The following FANCA variants were observed in gnomAD, a reference collection of about 807,000 sequenced individuals.
FANCA encodes the protein FA complementation group A.
In FANCA, 236 loss-of-function variants were observed where a neutral mutation model predicts 194.3. The observed-to-expected ratio is 1.21, with a 90% CI of 1.09 to 1.35. The LOEUF is 1.35. FANCA is among the 40% of genes most tolerant of loss of function. FANCA has a pLI of 0.00. For missense variants in FANCA, 2,628 were observed against 1,813.9 expected (o/e 1.45, Z -8.15); for synonymous variants, 1,014 against 715.8 (o/e 1.42, Z -6.65).
intron 37 of FANCA, among the ~76,000 whole-genome samples, chr16:89,741,889 G>A (rs1195127866): frequency 1.3e-5 from 2 of 152,158 alleles, no homozygotes; most frequent in Non-Finnish European, 2.9e-5. Context: ...CTGTGATGAG[G>A]ATAAAAATAA....
intron 11 of FANCA, among the ~76,000 whole-genome samples, chr16:89,793,452 T>G (rs2040144251): frequency 6.6e-6 from 1 of 152,320 alleles, no homozygotes; most frequent in Admixed American, 6.5e-5. Flanking sequence ...TAAACAGTAA[T>G]TACTACCAAC....
chr16:89,752,907 T>C (rs2038646483), intron 30 of FANCA, among the ~76,000 whole-genome samples: 1 of 152,062 alleles, frequency 6.6e-6, no homozygotes. Context: ...CCGGGGAGTT[T>C]AGAGAAGACT....
intron 3 of FANCA, among the ~76,000 whole-genome samples, chr16:89,813,490 T>C (rs565767231): frequency 3.3e-5 from 5 of 151,652 alleles, no homozygotes; most frequent in Non-Finnish European, 7.4e-5. Flanking sequence ...TGGAGTGCAA[T>C]GGAGGGGTCT....
At position 89,803,243 on chromosome 16, in the gene FANCA, T is replaced by G. The variant is rs760871345; in HGVS notation, c.792+16A>C. On this transcript the variant is annotated intron_variant, in intron 8 of 42. Transcript: ENST00000389301. ...GGCTCCTTCCGCTAAACTCTTCACTTGACTTTTCCTCCTACCTGCGGCATT... is the reference window on the plus strand; with the variant it reads ...GGCTCCTTCCGCTAAACTCTTCACTGGACTTTTCCTCCTACCTGCGGCATT... 6.2e-7 allele frequency: 1 copy of G among 1,613,142 alleles called. No homozygotes were observed. Among genetic ancestry groups the G allele is most frequent in the South Asian group, 1.1e-5 (1 of 91,056 alleles).
intron 35 of FANCA, among the ~76,000 whole-genome samples, chr16:89,746,169 A>G (rs571907384): frequency 1.3e-5 from 2 of 152,270 alleles, no homozygotes; most frequent in South Asian, 4.1e-4. Flanking sequence ...TCTGCTCCGA[A>G]GTCCCAAGAA....
intron 12 of FANCA, 81 bp from the exon 13 acceptor site, chr16:89,792,149 G>T: frequency 6.4e-7 from 1 of 1,553,184 alleles, no homozygotes. Flanking sequence ...CTCCCAGCCG[G>T]TGGCCACCGC....
In FANCA at chr16:89,816,646, T is replaced by A; in HGVS notation, c.-31A>T. 1 of 1,513,206 alleles carries A rather than the reference T, an allele frequency of 6.6e-7. No individual in the cohort carries two copies. The highest frequency in any genetic ancestry group is 2.0e-5 in the Admixed American group (1 of 49,434). 93.7% of individuals were successfully genotyped at this position (1,513,206 alleles called of 1,614,324 possible). On this transcript the variant is annotated 5_prime_UTR_variant, in exon 1 of 43. Coordinates refer to ENST00000389301, the MANE Select transcript of FANCA (RefSeq NM_000135.4). Reference sequence around the variant, plus strand: ...TGGCGCCTACAGCCCCGGCGGCGGCTCCCTGCGCCCGAGCCCGCGCTGCCT... The same window carrying A: ...TGGCGCCTACAGCCCCGGCGGCGGCACCCTGCGCCCGAGCCCGCGCTGCCT...
intron 14 of FANCA, among the ~76,000 whole-genome samples, chr16:89,790,506 G>A (rs756590370): frequency 4.9e-4 from 73 of 148,344 alleles, no homozygotes; most frequent in East Asian, 4.2e-4. Flanking sequence ...CAAGACGGGC[G>A]GATCATGAGG....
At chr16:89,767,715 A>AT (rs1297330495) in intron 26 of FANCA, among the ~76,000 whole-genome samples, 1 of 151,980 alleles carries the variant, frequency 6.6e-6, no homozygotes, top group Non-Finnish European at 1.5e-5. Flanking sequence ...TGCCCAGCTA[A>AT]TTTTTTGTAT....
chr16:89,772,717 G>A (rs553466219), intron 22 of FANCA, among the ~76,000 whole-genome samples: 2 of 151,394 alleles, frequency 1.3e-5, no homozygotes, highest in South Asian at 4.2e-4. Flanking sequence ...AACTTGGGAG[G>A]CTGAGGCGGG....
intron 37 of FANCA, 31 bp downstream of exon 37, chr16:89,742,769 A>T: frequency 6.2e-7 from 1 of 1,613,460 alleles, no homozygotes; most frequent in Non-Finnish European, 8.5e-7. Context: ...CTTGCGAGAA[A>T]ATAAATCAGT....
At chr16:89,781,376 A>AG (rs981360547) in intron 17 of FANCA, among the ~76,000 whole-genome samples, 2 of 150,066 alleles carry the variant, frequency 1.3e-5, no homozygotes, top group African/African-American at 4.9e-5. Context: ...AAAAAAAAAA[A>AG]AAAAAAAAAA....
chr16:89,740,747 T>TGCCCCTGCCTGGC (rs1334278036), intron 38 of FANCA, 57 bp downstream of exon 38: 18 of 1,482,998 alleles, frequency 1.2e-5, no homozygotes, highest in Non-Finnish European at 1.9e-6. Context: ...GGCTGCCTGG[T>TGCCCCTGCCTGGC]GCCCCTGCCT....
In FANCA at chr16:89,739,522, C is replaced by T. The variant is rs1274557789; in HGVS notation, c.3966G>A (p.Val1322=). The T allele has an allele frequency of 1.9e-6, 3 of 1,551,348 alleles. No homozygotes were observed. Among genetic ancestry groups the T allele is most frequent in the South Asian group, 2.4e-5 (2 of 84,068 alleles). ...GCAGCCTGGTGTGCTGATCCGGGGC[C>T]ACACGGAGGAGGAGCCGCCCCAGCC... ...DLRLGRLLLR[V]APDQHTRLLP... Residue 1322 remains valine, a synonymous_variant, in exon 40 of 43, where the codon GTG becomes GTA. Coordinates refer to ENST00000389301, the MANE Select transcript of FANCA (RefSeq NM_000135.4).
At position 89,765,055 on chromosome 16, in the gene FANCA, G is replaced by A. The variant is rs532032511; in HGVS notation, c.2613C>T (p.Leu871=). The A allele has an allele frequency of 1.1e-5, 17 of 1,614,054 alleles. No individual in the cohort carries two copies. The highest frequency in any genetic ancestry group is 1.6e-4 in the Middle Eastern group (1 of 6,084). Residue 871 remains leucine, a synonymous_variant, in exon 28 of 43, where the codon CTC becomes CTT. Transcript: ENST00000389301. ...GGGCCTCTGAGAACAATCTGAACATGAGGAACTGAAACTGAAACAGAGAGT... is the reference window on the plus strand; with the variant it reads ...GGGCCTCTGAGAACAATCTGAACATAAGGAACTGAAACTGAAACAGAGAGT... ...SPGLIKKFQF[L]MFRLFSEARQ...
chr16:89,776,395 G>C (rs369729560), intron 20 of FANCA, among the ~76,000 whole-genome samples: 25 of 151,274 alleles, frequency 1.7e-4, no homozygotes, highest in Non-Finnish European at 2.9e-4. Flanking sequence ...CCTCGAACTC[G>C]TGACCTTGTG....
intron 32 of FANCA, among the ~76,000 whole-genome samples, chr16:89,749,074 G>A (rs1245059490): frequency 6.6e-6 from 1 of 152,214 alleles, no homozygotes; most frequent in Non-Finnish European, 1.5e-5. Context: ...TCTGTCTAGT[G>A]AAGCAATTCC....
chr16:89,740,173 G>C (rs1276750864), intron 38 of FANCA, 74 bp from the exon 39 acceptor site: 9 of 1,136,178 alleles, frequency 7.9e-6, no homozygotes, highest in African/African-American at 4.6e-5. Flanking sequence ...ACAGCCCTCA[G>C]CACAGAAGAG....
chr16:89,814,453 C>T (rs1164899892), intron 3 of FANCA, 67 bp downstream of exon 3: 2 of 1,239,222 alleles, frequency 1.6e-6, no homozygotes, highest in Non-Finnish European at 2.3e-6. Context: ...CTTAATTTAG[C>T]AAACTATGGT....
Sources: allele counts gnomAD v4.1 joint callset (sites outside exome capture counted in the v4.1 genomes callset), GRCh38; gene constraint gnomAD v4.1.1; transcripts MANE v1.5; gene names NCBI Gene and HGNC (gene_info 2026-07-23, HGNC 2026-07-21).